MCOLN2: variants seen among roughly 807,000 people sequenced by gnomAD.
MCOLN2 encodes mucolipin-2.
Under a neutral mutation model 67.5 loss-of-function variants are expected in MCOLN2, and 57 were observed. The ratio of observed to expected loss-of-function variants is 0.84; its 90% CI spans 0.68 to 1.05. The LOEUF is 1.05. MCOLN2 is among the 50% of genes least tolerant of loss of function. The pLI is 0.00. For missense variants in MCOLN2, 620 were observed against 678.8 expected (o/e 0.91, Z 0.96); for synonymous variants, 246 against 233.3 (o/e 1.05, Z -0.50).
intron 1 of MCOLN2, among the ~76,000 whole-genome samples, chr1:84,975,770 C>T (rs961868791): frequency 2.6e-5 from 4 of 151,872 alleles, no homozygotes; most frequent in Non-Finnish European, 5.9e-5. Context: ...TAAGGAAACT[C>T]AAAGAAATTC....
At chr1:84,945,995 C>T (rs553684016) in intron 7 of MCOLN2, among the ~76,000 whole-genome samples, 12 of 152,216 alleles carry the variant, frequency 7.9e-5, no homozygotes, top group Middle Eastern at 3.4e-3. Flanking sequence ...GTGATCCACC[C>T]GCGTAGGCCT....
At chr1:84,976,099 A>G (rs888779759) in intron 1 of MCOLN2, among the ~76,000 whole-genome samples, 1 of 152,174 alleles carries the variant, frequency 6.6e-6, no homozygotes, top group Non-Finnish European at 1.5e-5. Flanking sequence ...GAAGAAAAAG[A>G]GACAGGAGTA....
intron 1 of MCOLN2, among the ~76,000 whole-genome samples, chr1:84,976,772 A>C (rs1226811859): frequency 6.6e-6 from 1 of 152,146 alleles, no homozygotes; most frequent in African/African-American, 2.4e-5. Flanking sequence ...TCTCAAAAAA[A>C]AGATTTTCCC....
intron 6 of MCOLN2, among the ~76,000 whole-genome samples, 182 bp downstream of exon 6, chr1:84,952,061 T>C (rs1391806288): frequency 6.6e-6 from 1 of 152,036 alleles, no homozygotes; most frequent in Non-Finnish European, 1.5e-5. Flanking sequence ...CACTCCAGCC[T>C]GGGTGACAGA....
chr1:84,970,719 AGCC>A (rs1649634993), intron 1 of MCOLN2, among the ~76,000 whole-genome samples: 1 of 152,150 alleles, frequency 6.6e-6, no homozygotes, highest in Admixed American at 6.5e-5. Flanking sequence ...ATACCTTGTG[AGCC>A]ATGCTCTGCT....
intron 13 of MCOLN2, among the ~76,000 whole-genome samples, chr1:84,927,169 G>A (rs571771911): frequency 8.0e-5 from 12 of 149,318 alleles, no homozygotes; most frequent in East Asian, 7.9e-4. Flanking sequence ...TAACCTGCAC[G>A]TTCAGCACAT....
Position 84,966,974 on chromosome 1 carries a change from C to A in MCOLN2, c.78-1266G>T, listed in dbSNP as rs181433732. Among the ~76,000 whole-genome samples the A allele has an allele frequency of 6.4e-4, 97 of 152,212 alleles. 3 individuals carry two copies. Among genetic ancestry groups the A allele is most frequent in the East Asian group, 6.4e-3 (33 of 5,192 alleles). ...AACTTACAGCATATGTACACCATAA[C>A]AAAGAATATACATTATATAACACAT... On this transcript the variant is annotated intron_variant, in intron 1 of 13. Coordinates refer to ENST00000370608, the MANE Select transcript of MCOLN2 (RefSeq NM_153259.4).
rs191373438 is a variant in MCOLN2, at chr1:84,945,407, G to A, written c.847+1626C>T. 2.6e-5 allele frequency among the ~76,000 whole-genome samples: 4 copies of A among 152,316 alleles called. No homozygotes were observed. In the South Asian group the frequency reaches 6.2e-4, roughly 24 times the overall value. On this transcript the variant is annotated intron_variant, in intron 7 of 13. Transcript: ENST00000370608. ...AGAGAGTGGTGTATGCTGGGGAATA[G>A]TAACCACTTTTTAACAGAAACTGAA...
In MCOLN2 at chr1:84,986,890, G is replaced by A. The variant is rs527887353; in HGVS notation, c.77+9906C>T. ...AAAAAATCAAAAAATAGATGTTGGC[G>A]GGGATGGGGTGAAAAGGCAACACTT... is the stretch of plus-strand genomic sequence containing the variant. On this transcript the variant is annotated intron_variant, in intron 1 of 13. Transcript: ENST00000370608. Among the ~76,000 whole-genome samples the A allele has an allele frequency of 1.1e-4, 16 of 152,120 alleles. No homozygotes were observed. The South Asian group carries it at 2.9e-3, about 28-fold the overall frequency.
At chr1:84,949,220 G>T (rs1648282756) in intron 6 of MCOLN2, among the ~76,000 whole-genome samples, 1 of 152,178 alleles carries the variant, frequency 6.6e-6, no homozygotes, top group South Asian at 2.1e-4. Context: ...CTCAAGTCTT[G>T]GGAGAGATAT....
chr1:84,959,188 G>A (rs1334757665), intron 2 of MCOLN2, among the ~76,000 whole-genome samples: 2 of 152,140 alleles, frequency 1.3e-5, no homozygotes, highest in African/African-American at 2.4e-5. Context: ...CCAGCTAGGA[G>A]GTAATAGTTG....
At chr1:84,961,719 T>C (rs1295292201) in intron 2 of MCOLN2, among the ~76,000 whole-genome samples, 2 of 152,136 alleles carry the variant, frequency 1.3e-5, no homozygotes, top group Non-Finnish European at 2.9e-5. Flanking sequence ...TCCCACTAAT[T>C]AGACATTAAG....
intron 1 of MCOLN2, among the ~76,000 whole-genome samples, chr1:84,966,576 G>A (rs1649392804): frequency 6.6e-6 from 1 of 152,136 alleles, no homozygotes; most frequent in Admixed American, 6.6e-5. Context: ...CTGAGAGAAG[G>A]ACTATGACTC....
At chr1:84,989,690 A>T (rs1371142) in intron 1 of MCOLN2, among the ~76,000 whole-genome samples, 23,389 of 152,074 alleles carry the variant, frequency 0.15, 1,882 homozygotes, top group East Asian at 0.26. Flanking sequence ...AGATCTTAAC[A>T]TAAAAATTTA....
At chr1:84,990,735 T>C (rs1033434947) in intron 1 of MCOLN2, among the ~76,000 whole-genome samples, 8 of 151,402 alleles carry the variant, frequency 5.3e-5, no homozygotes, top group Admixed American at 2.0e-4. Context: ...CTGAGCAACA[T>C]AGGGAGACCC....
At chr1:84,989,216 G>T (rs554457161) in intron 1 of MCOLN2, among the ~76,000 whole-genome samples, 6 of 152,228 alleles carry the variant, frequency 3.9e-5, no homozygotes, top group Middle Eastern at 3.4e-3. Flanking sequence ...TCAATAATGA[G>T]ACATCAATCT....
intron 1 of MCOLN2, 53 bp downstream of exon 1, chr1:84,996,743 T>C (rs1023178396): frequency 2.6e-5 from 40 of 1,525,490 alleles, no homozygotes; most frequent in Non-Finnish European, 3.4e-5. Context: ...CCATCGACTT[T>C]AGGAAGATTT....
chr1:84,987,294 A>T (rs1650563904), intron 1 of MCOLN2, among the ~76,000 whole-genome samples: 1 of 145,494 alleles, frequency 6.9e-6, no homozygotes, highest in Non-Finnish European at 1.5e-5. Context: ...TACATATGCC[A>T]TGTAGATACA....
intron 3 of MCOLN2, among the ~76,000 whole-genome samples, chr1:84,957,274 T>A (rs576959552): frequency 9.2e-5 from 14 of 152,226 alleles, no homozygotes; most frequent in South Asian, 2.1e-4. Context: ...CCATCCACAC[T>A]CCACAGCTTA....
Sources: gnomAD v4.1 joint callset for allele counts (sites outside exome capture counted in the v4.1 genomes callset) on GRCh38, gnomAD v4.1.1 for gene constraint, MANE v1.5 for transcripts, NCBI Gene and HGNC (gene_info 2026-07-23, HGNC 2026-07-21) for gene names.